ADH6: variants seen among roughly 807,000 people sequenced by gnomAD.
The protein encoded by ADH6 is alcohol dehydrogenase 6 (class V).
In ADH6, 34 loss-of-function variants were observed where a neutral mutation model predicts 36.5. That is an observed-to-expected ratio of 0.93 (90% CI 0.71 to 1.24). The LOEUF (loss-of-function observed/expected upper bound fraction) is 1.24, where lower values mean the gene tolerates loss of function less well. Among genes scored for constraint, ADH6 ranks in the 50% most tolerant of loss-of-function variants. ADH6 has a pLI of 0.00. For synonymous variants in ADH6, 161 were observed against 155.5 expected (o/e 1.04, Z -0.26); for missense variants, 440 against 447.0 (o/e 0.98, Z 0.14).
In ADH6 at chr4:99,202,756, A is replaced by G. The variant is rs1048412668; in HGVS notation, c.*1463T>C. 8.0e-5 allele frequency: 32 copies of G among 398,110 alleles called. No homozygotes were observed. The highest frequency in any genetic ancestry group is 1.8e-5 in the Non-Finnish European group (4 of 225,788). The allele number at this position is 398,110 out of a possible 1,614,324, so 24.7% of individuals were successfully genotyped here. On this transcript the variant is annotated 3_prime_UTR_variant, in exon 9 of 9. Transcript: ENST00000394899. Reference sequence around the variant, plus strand: ...AAGACTCCTCCAAGTTCTCACTGTTAGTAAGGTCAATTTGGGGGCAGAACA... The same window carrying G: ...AAGACTCCTCCAAGTTCTCACTGTTGGTAAGGTCAATTTGGGGGCAGAACA...
At chr4:99,205,692 C>T (rs935130329) in intron 7 of ADH6, among the ~76,000 whole-genome samples, 2 of 152,202 alleles carry the variant, frequency 1.3e-5, no homozygotes, top group East Asian at 3.9e-4. Context: ...TTTCAAGAAA[C>T]ACATTAAATT....
At chr4:99,217,512 C>T in intron 1 of ADH6, among the ~76,000 whole-genome samples, 1 of 152,166 alleles carries the variant, frequency 6.6e-6, no homozygotes, top group East Asian at 1.9e-4. Context: ...AGATAATGAT[C>T]TTCAGTTCTA....
At chr4:99,206,770 C>T (rs1292865141) in intron 7 of ADH6, among the ~76,000 whole-genome samples, 3 of 152,008 alleles carry the variant, frequency 2.0e-5, no homozygotes, top group Admixed American at 6.6e-5. Flanking sequence ...TGGATAAATA[C>T]ATTTCTTCGT....
intron 7 of ADH6, among the ~76,000 whole-genome samples, chr4:99,206,118 A>G (rs980857105): frequency 2.6e-5 from 4 of 152,092 alleles, no homozygotes; most frequent in Non-Finnish European, 5.9e-5. Context: ...TTTCAACCAA[A>G]TGACATAGGA....
At chr4:99,207,331 A>AT in intron 7 of ADH6, 115 bp downstream of exon 7, 1 of 1,410,994 alleles carries the variant, frequency 7.1e-7, no homozygotes, top group Non-Finnish European at 9.6e-7. Context: ...TGAAAAAAAA[A>AT]ATCTGTAATA....
intron 7 of ADH6, among the ~76,000 whole-genome samples, chr4:99,206,898 G>A (rs1397066486): frequency 6.6e-6 from 1 of 151,908 alleles, no homozygotes; most frequent in Non-Finnish European, 1.5e-5. Flanking sequence ...TTCCAGGACA[G>A]GTAAAAAACA....
chr4:99,210,229 G>C lies in ADH6; in HGVS notation c.420C>G (p.His140Gln), dbSNP rs745568088. The C allele has an allele frequency of 6.2e-7, 1 of 1,613,724 alleles. No individual in the cohort carries two copies. Among genetic ancestry groups the C allele is most frequent in the Non-Finnish European group, 8.5e-7 (1 of 1,179,850 alleles). The change falls in exon 5 of 9, where the codon CAC becomes CAG. Residue 140 changes from histidine (H) to glutamine (Q), a missense_variant. By Grantham distance (24) the His-to-Gln change is conservative. Transcript: ENST00000394899. ...RFTCKGKSIY[H>Q]FGNTSTFCEY... is the part of the protein sequence containing the mutation. ...CACAGAAGGTGCTGGTATTACCAAA[G>C]TGATATATTGATTTTCCCTTGCAGG... is the stretch of plus-strand genomic sequence containing the variant.
intron 6 of ADH6, 121 bp downstream of exon 6, chr4:99,208,547 A>G (rs1431279022): frequency 8.4e-7 from 1 of 1,183,828 alleles, no homozygotes; most frequent in African/African-American, 1.5e-5. Flanking sequence ...CTGAGATGTC[A>G]TGGAACACAA....
In ADH6 at chr4:99,210,096, T is replaced by C; in HGVS notation, c.553A>G (p.Ile185Val). The stretch of plus-strand genomic sequence containing the variant: ...ATGCCCCTCACCTTGGCAGTATTGA[T>C]TGCAGCACCAAACCCAGTGGAAAAG... ...CGFSTGFGAA[I>V]NTAKVTPGST... The change falls in exon 5 of 9, where the codon ATC (isoleucine) becomes GTC (valine). Residue 185 changes from isoleucine to valine, a missense_variant. By Grantham distance (29) the Ile-to-Val change is conservative (BLOSUM62 3). Coordinates refer to ENST00000394899, the MANE Select transcript of ADH6 (RefSeq NM_001102470.2). 1 of 1,613,608 alleles carries C rather than the reference T, an allele frequency of 6.2e-7. No homozygotes were observed. The highest frequency in any genetic ancestry group is 8.5e-7 in the Non-Finnish European group (1 of 1,179,706).
At chr4:99,207,679 A>AC in intron 6 of ADH6, 98 bp from the exon 7 acceptor site, 1 of 1,284,628 alleles carries the variant, frequency 7.8e-7, no homozygotes, top group Non-Finnish European at 1.1e-6. Flanking sequence ...ATGGTCTATG[A>AC]CTTTCTTTTC....
At chr4:99,211,768 G>A (rs576719513) in intron 3 of ADH6, among the ~76,000 whole-genome samples, 1 of 152,116 alleles carries the variant, frequency 6.6e-6, no homozygotes, top group African/African-American at 2.4e-5. Flanking sequence ...TAACACCTGT[G>A]GAAGGATTTA....
chr4:99,205,548 C>G (rs1213842508), intron 7 of ADH6, among the ~76,000 whole-genome samples: 1 of 152,056 alleles, frequency 6.6e-6, no homozygotes, highest in African/African-American at 2.4e-5. Flanking sequence ...CCAGTGAAAG[C>G]TCTTGGGAAA....
chr4:99,216,298 C>A, intron 1 of ADH6, 36 bp from the exon 2 acceptor site: 1 of 1,400,310 alleles, frequency 7.1e-7, no homozygotes, highest in South Asian at 1.4e-5. Flanking sequence ...AAGAGAAGCT[C>A]CTTAAGCTTG....
In ADH6 at chr4:99,202,814, A is replaced by G. The variant is rs1028778730; in HGVS notation, c.*1405T>C. Reference sequence around the variant, plus strand: ...GCCTTAGCTGCTGTCAGGAAATAGAAGAGCAGAGCAGAGTTGGGCATGGAG... The same window carrying G: ...GCCTTAGCTGCTGTCAGGAAATAGAGGAGCAGAGCAGAGTTGGGCATGGAG... On this transcript the variant is annotated 3_prime_UTR_variant, in exon 9 of 9. Transcript: ENST00000394899. The G allele has an allele frequency of 1.5e-5, 6 of 397,968 alleles. No individual in the cohort carries two copies. The Admixed American group carries it at 1.8e-4, about 12-fold the overall frequency. 24.7% of individuals were successfully genotyped at this position (397,968 alleles called of 1,614,324 possible). A position where few individuals can be genotyped will look rare whatever the true frequency, so the allele number is the denominator to read the frequency against.
At chr4:99,216,512 A>G (rs1448622495) in intron 1 of ADH6, among the ~76,000 whole-genome samples, 1 of 152,190 alleles carries the variant, frequency 6.6e-6, no homozygotes, top group Non-Finnish European at 1.5e-5. Flanking sequence ...AACATGACCA[A>G]GAGGATAGAT....
Position 99,216,153 on chromosome 4 carries a change from T to C in ADH6, c.120+8A>G, listed in dbSNP as rs766443478. The C allele has an allele frequency of 1.0e-4, 144 of 1,438,642 alleles. No homozygotes were observed. Among genetic ancestry groups the C allele is most frequent in the Non-Finnish European group, 1.3e-4 (139 of 1,083,608 alleles). 89.1% of individuals were successfully genotyped at this position (1,438,642 alleles called of 1,614,324 possible). A position where few individuals can be genotyped will look rare whatever the true frequency, so the allele number is the denominator to read the frequency against. On this transcript the variant is annotated splice_region_variant and intron_variant, in intron 2 of 8. Transcript: ENST00000394899. The stretch of plus-strand genomic sequence containing the variant: ...TGGTGTGATTTTTTTTTTTTTTTTT[T>C]TTTTTACCTTTATGCGAACTTCCTT...
At position 99,213,822 on chromosome 4, in the gene ADH6, CT is replaced by C. The variant is rs1043655285; in HGVS notation, c.121-76del. On this transcript the variant is annotated intron_variant, in intron 2 of 8. Coordinates refer to ENST00000394899, the MANE Select transcript of ADH6 (RefSeq NM_001102470.2). ...TGTTTTAGAGTTGTTGACTGTAAGGCTTTTTGCTAGTTTGATATTCTCCATT... is the reference window on the plus strand; with the variant it reads ...TGTTTTAGAGTTGTTGACTGTAAGGCTTTTGCTAGTTTGATATTCTCCATT... 5.3e-6 allele frequency: 7 copies of C among 1,326,096 alleles called. No individual in the cohort carries two copies. In the Admixed American group the frequency reaches 1.6e-4, roughly 31 times the overall value. 82.1% of individuals were successfully genotyped at this position (1,326,096 alleles called of 1,614,324 possible). A position where few individuals can be genotyped will look rare whatever the true frequency, so the allele number is the denominator to read the frequency against.
chr4:99,208,620 G>A (rs1371822591), intron 6 of ADH6, 48 bp downstream of exon 6: 2 of 1,552,476 alleles, frequency 1.3e-6, no homozygotes, highest in East Asian at 2.3e-5. Context: ...TAATCTAAAC[G>A]ATGACTGGTA....
At chr4:99,204,878 C>T in intron 8 of ADH6, 47 bp downstream of exon 8, 1 of 1,562,734 alleles carries the variant, frequency 6.4e-7, no homozygotes, top group Non-Finnish European at 8.7e-7. Flanking sequence ...TACACCCTTT[C>T]TCTTGGTCTC....
Sources: gnomAD v4.1 joint callset for allele counts (sites outside exome capture counted in the v4.1 genomes callset) on GRCh38, gnomAD v4.1.1 for gene constraint, MANE v1.5 for transcripts, NCBI Gene and HGNC (gene_info 2026-07-23, HGNC 2026-07-21) for gene names.